PLEC: variants seen among roughly 807,000 people sequenced by gnomAD.
PLEC encodes the protein plectin, also known as hemidesmosomal protein 1.
PLEC carries 216 observed loss-of-function variants against 392.8 expected under a neutral mutation model. That is an observed-to-expected ratio of 0.55 (90% CI 0.49 to 0.62). PLEC has a LOEUF of 0.62. PLEC is among the 20% of genes least tolerant of loss of function. The probability of loss-of-function intolerance (pLI) is 0.00; values close to 1 mark genes in which losing one functional copy is unlikely to be tolerated. For missense variants in PLEC, 6,863 were observed against 6,563.4 expected, an observed-to-expected ratio of 1.05 and a Z score of -1.58; for synonymous variants, 3,621 against 2,980.6, an observed-to-expected ratio of 1.21 and a Z score of -7.00.
chr8:143,924,695 G>A lies in PLEC; in HGVS notation c.5234C>T (p.Ala1745Val). ...CAGCTCCTGCCGTTTCTGCGTGGCT[G>A]CAGCCGCCTCACGCTGCAGCCGGGC... ...ELARLQREAA[A>V]ATQKRQELEA... Residue 1745 changes from alanine (A) to valine (V), a missense_variant, in exon 31 of 32, where the codon GCA becomes GTA. Coordinates refer to ENST00000345136, the MANE Select transcript of PLEC (RefSeq NM_201384.3). The A allele has an allele frequency of 4.6e-6, 7 of 1,534,048 alleles. No homozygotes were observed. Among genetic ancestry groups the A allele is most frequent in the Non-Finnish European group, 6.1e-6 (7 of 1,146,098 alleles).
Position 143,918,124 on chromosome 8 carries a change from G to A in PLEC, c.11697C>T (p.Arg3899=), listed in dbSNP as rs886044816. 6.3e-7 allele frequency: 1 copy of A among 1,599,204 alleles called. No individual in the cohort carries two copies. The highest frequency in any genetic ancestry group is 1.7e-5 in the Admixed American group (1 of 59,644). ...RKQITMEELV[R]SQVMDEATAL... ...CCGTGGCCTCGTCCATGACCTGCGA[G>A]CGCACCAGCTCCTCCATGGTGATCT... is the stretch of plus-strand genomic sequence containing the variant. The change falls in exon 32 of 32, where the codon CGC becomes CGT. Residue 3899 remains arginine, a synonymous_variant. Coordinates refer to ENST00000345136, the MANE Select transcript of PLEC (RefSeq NM_201384.3).
chr8:143,927,359 C>A (rs781927348), intron 27 of PLEC, 24 bp from the exon 28 acceptor site: 1 of 1,611,828 alleles, frequency 6.2e-7, no homozygotes, highest in Non-Finnish European at 8.5e-7. Flanking sequence ...TGGTCAGAGC[C>A]GTGGCCGCAG....
chr8:143,944,334 C>T (rs880002969), upstream of PLEC, among the ~76,000 whole-genome samples: 2 of 152,196 alleles, frequency 1.3e-5, no homozygotes, highest in East Asian at 1.9e-4. Context: ...AAGAGGGGCC[C>T]GAGCAGCCCA....
upstream of PLEC, among the ~76,000 whole-genome samples, chr8:143,952,020 CA>C (rs1424644541): frequency 1.3e-5 from 2 of 152,314 alleles, no homozygotes; most frequent in South Asian, 4.1e-4. Flanking sequence ...CCAAGCCCGG[CA>C]AACCCGGGAA....
In PLEC at chr8:143,932,412, C is replaced by A. The variant is rs755910691; in HGVS notation, c.1965G>T (p.Lys655Asn). 1 of 1,612,838 alleles carries A rather than the reference C, an allele frequency of 6.2e-7. No homozygotes were observed. Among genetic ancestry groups the A allele is most frequent in the African/African-American group, 1.3e-5 (1 of 74,928 alleles). Reference protein sequence around the residue: ...SDRNTNMTAKKESYSALMREL... With the variant: ...SDRNTNMTAKNESYSALMREL... ...GGCCACCGCTCACCGAGTAGCTCTC[C>A]TTCTTGGCGGTCATGTTGGTGTTGC... The change falls in exon 16 of 32, where the codon AAG becomes AAT. Residue 655 changes from lysine (K) to asparagine (N), a missense_variant. Lys to Asn is a moderately conservative substitution (Grantham distance 94). Transcript: ENST00000345136.
chr8:143,959,760 G>T (rs1178951725), intron 1 of PLEC, among the ~76,000 whole-genome samples: 3 of 152,220 alleles, frequency 2.0e-5, no homozygotes, highest in Non-Finnish European at 4.4e-5. Context: ...ACTGTGGGAG[G>T]CCAAGGCGGG....
rs782135707 is a variant in PLEC at position 143,918,923 on chromosome 8, C to T, written c.10898G>A (p.Arg3633His). Residue 3633 changes from arginine (R) to histidine (H), a missense_variant, in exon 32 of 32, where the codon CGC becomes CAC. Coordinates refer to ENST00000345136, the MANE Select transcript of PLEC (RefSeq NM_201384.3). ...GTCGTAGGAGGCCAGACCCTGCTGG[C>T]GGATGATCTCTGTCTTCTCAATGAT... ...IEIIEKTEII[R>H]QQGLASYDYV... The T allele has an allele frequency of 6.8e-6, 11 of 1,610,864 alleles. No individual in the cohort carries two copies. The highest frequency in any genetic ancestry group is 1.1e-5 in the South Asian group (1 of 91,086).
Position 143,930,196 on chromosome 8 carries a change from C to A in PLEC, c.2560G>T (p.Val854Leu), listed in dbSNP as rs370464447. The change falls in exon 21 of 32, where the codon GTG becomes TTG. Residue 854 changes from valine (V) to leucine (L), a missense_variant. Physicochemically the swap from Val to Leu is conservative, Grantham distance 32. Coordinates refer to ENST00000345136, the MANE Select transcript of PLEC (RefSeq NM_201384.3). ...TTGGGCGGGGGCACCAGGAAGCACA[C>A]GGAGGGCACGGCGGCCTCGCTGCCG... is the stretch of plus-strand genomic sequence containing the variant. ...SSGSEAAVPS[V>L]CFLVPPPNQE... 9.8e-5 allele frequency: 154 copies of A among 1,578,672 alleles called. No individual in the cohort carries two copies. Among genetic ancestry groups the A allele is most frequent in the Non-Finnish European group, 1.3e-4 (149 of 1,168,506 alleles).
At position 143,918,958 on chromosome 8, in the gene PLEC, G is replaced by A; in HGVS notation, c.10863C>T (p.Ile3621=). The change falls in exon 32 of 32, where the codon ATC becomes ATT. Residue 3621 remains isoleucine (I), a synonymous_variant. Transcript: ENST00000345136. ...CTGTCTTCTCAATGATCTCGATGAT[G>A]ATGATGATCATGCGTTCCTTGGTCA... ...GRVTKERMII[I]IIEIIEKTEI... 6.2e-7 allele frequency: 1 copy of A among 1,610,822 alleles called. No individual in the cohort carries two copies. The highest frequency in any genetic ancestry group is 8.5e-7 in the Non-Finnish European group (1 of 1,180,014).
rs375597933 is a variant in PLEC at position 143,922,913 on chromosome 8, G to A, written c.7016C>T (p.Ala2339Val). 45 of 1,596,054 alleles carry A rather than the reference G, an allele frequency of 2.8e-5. No homozygotes were observed. Among genetic ancestry groups the A allele is most frequent in the Admixed American group, 1.2e-4 (7 of 57,604 alleles). ...AELLQQQKEL[A>V]QEQARRLQED... ...CTGCAGCCGCCGCGCCTGCTCCTGC[G>A]CAAGCTCCTTCTGCTGCTGCAGCAG... The change falls in exon 31 of 32, where the codon GCG becomes GTG. Residue 2339 changes from alanine to valine, a missense_variant. Transcript: ENST00000345136.
rs868992596 is a variant in PLEC, at chr8:143,920,267, C to T, written c.9554G>A (p.Ser3185Asn). 4 of 1,596,482 alleles carry T rather than the reference C, an allele frequency of 2.5e-6. No individual in the cohort carries two copies. Among genetic ancestry groups the T allele is most frequent in the African/African-American group, 1.3e-5 (1 of 74,780 alleles). ...RADAKAYSDPSTGEPATYGEL... is the reference protein window; with the variant it reads ...RADAKAYSDPNTGEPATYGEL... ...GCCGTAGGTGGCCGGCTCCCCTGTG[C>T]TGGGGTCACTGTAGGCCTTGGCGTC... Residue 3185 changes from serine (S) to asparagine (N), a missense_variant, in exon 32 of 32, where the codon AGC becomes AAC. Transcript: ENST00000345136.
intron 1 of PLEC, chr8:143,946,553 GCCGACTGACGGGTCAGA>G: frequency 2.4e-6 from 1 of 423,470 alleles, no homozygotes; most frequent in South Asian, 1.9e-5. Flanking sequence ...ATGAAGCCCA[GCCGACTGACGGGTCAGA>G]CCAGCCCAGC....
At chr8:143,959,166 A>G (rs1264617798) in intron 1 of PLEC, among the ~76,000 whole-genome samples, 1 of 152,234 alleles carries the variant, frequency 6.6e-6, no homozygotes, top group Non-Finnish European at 1.5e-5. Context: ...CTCTCGGTCC[A>G]GCGCCAGGAC....
intron 1 of PLEC, chr8:143,946,531 C>T (rs1587334294): frequency 1.9e-6 from 1 of 520,742 alleles, no homozygotes; most frequent in East Asian, 7.6e-5. Flanking sequence ...ACCCCTTAGT[C>T]AGTAAGCAGA....
chr8:143,937,810 G>A, intron 3 of PLEC: 1 of 540,808 alleles, frequency 1.8e-6, no homozygotes, highest in South Asian at 1.5e-5. Context: ...AGGGCAAAGG[G>A]TAAAGGGCAG....
intron 1 of PLEC, among the ~76,000 whole-genome samples, chr8:143,967,280 T>A (rs555269336): frequency 3.4e-5 from 5 of 145,718 alleles, no homozygotes; most frequent in African/African-American, 5.1e-5. Flanking sequence ...GGAGAATGGC[T>A]TGAACCCGGG....
rs782484563 is a variant in PLEC, at chr8:143,917,551, G to A, written c.12270C>T (p.Phe4090=). The A allele has an allele frequency of 6.2e-7, 1 of 1,613,988 alleles. No homozygotes were observed. The highest frequency in any genetic ancestry group is 8.5e-7 in the Non-Finnish European group (1 of 1,180,032). Reference sequence around the variant, plus strand: ...GGTTCTCCTCCGTGTTAGGGTCAAAGAAGCCCTTGGTGTCGTCCGAGGGGT... The same window carrying A: ...GGTTCTCCTCCGTGTTAGGGTCAAAAAAGCCCTTGGTGTCGTCCGAGGGGT... The part of the protein sequence containing the change: ...LTDPSDDTKG[F]FDPNTEENLT... The change falls in exon 32 of 32, where the codon TTC becomes TTT. Residue 4090 remains phenylalanine (F), a synonymous_variant. Coordinates refer to ENST00000345136, the MANE Select transcript of PLEC (RefSeq NM_201384.3).
At chr8:143,962,915 C>T (rs1554741263) in intron 1 of PLEC, among the ~76,000 whole-genome samples, 1 of 152,096 alleles carries the variant, frequency 6.6e-6, no homozygotes, top group African/African-American at 2.4e-5. Context: ...ATATCTGCAG[C>T]CTATTTAGAT....
rs1219370804 is a variant in PLEC at position 143,919,454 on chromosome 8, A to C, written c.10367T>G (p.Val3456Gly). 1 of 1,613,106 alleles carries C rather than the reference A, an allele frequency of 6.2e-7. No homozygotes were observed. Among genetic ancestry groups the C allele is most frequent in the African/African-American group, 1.3e-5 (1 of 74,896 alleles). The change falls in exon 32 of 32, where the codon GTT becomes GGT. Residue 3456 changes from valine (V) to glycine (G), a missense_variant. Val to Gly is a moderately radical substitution (Grantham distance 109, BLOSUM62 -3). Transcript: ENST00000345136. The part of the protein sequence containing the change: ...SLFQAMQKGL[V>G]LRQHGIRLLE... Reference sequence around the variant, plus strand: ...CAGGCGGATGCCGTGCTGCCGGAGAACCAGGCCCTTCTGCATGGCCTGGAA... The same window carrying C: ...CAGGCGGATGCCGTGCTGCCGGAGACCCAGGCCCTTCTGCATGGCCTGGAA...
Sources: gnomAD v4.1 joint callset for allele counts (sites outside exome capture counted in the v4.1 genomes callset) on GRCh38, gnomAD v4.1.1 for gene constraint, MANE v1.5 for transcripts, NCBI Gene and HGNC (gene_info 2026-07-23, HGNC 2026-07-21) for gene names.